APTX: variants seen among roughly 807,000 people sequenced by gnomAD.
APTX encodes forkhead-associated domain histidine triad-like protein.
APTX carries 33 observed loss-of-function variants against 42.3 expected under a neutral mutation model. That is an observed-to-expected ratio of 0.78 (90% CI 0.59 to 1.04). The LOEUF (loss-of-function observed/expected upper bound fraction) is 1.04, where lower values mean the gene tolerates loss of function less well. Among genes scored for constraint, APTX ranks in the 50% least tolerant of loss-of-function variants. The pLI is 0.00. For missense variants in APTX, 421 were observed against 415.1 expected (o/e 1.01, Z -0.12); for synonymous variants, 130 against 146.7 (o/e 0.89, Z 0.82).
At chr9:33,024,515 T>C (rs921173504) in intron 1 of APTX, among the ~76,000 whole-genome samples, 4 of 152,194 alleles carry the variant, frequency 2.6e-5, no homozygotes, top group Non-Finnish European at 4.4e-5. Flanking sequence ...TCAGACACTC[T>C]TGCGGCTACT....
At chr9:33,000,709 A>C (rs1024040370) in intron 1 of APTX, among the ~76,000 whole-genome samples, 1 of 151,680 alleles carries the variant, frequency 6.6e-6, no homozygotes, top group African/African-American at 2.4e-5. Context: ...AACGAGCACA[A>C]ATCTGTATTG....
intron 1 of APTX, among the ~76,000 whole-genome samples, chr9:33,008,551 A>ATTT (rs34273971): frequency 8.9e-5 from 12 of 135,078 alleles, no homozygotes; most frequent in African/African-American, 2.5e-4. Context: ...TCTGATTAAG[A>ATTT]TTTTTTTTTT....
At chr9:32,982,104 C>G (rs549827322) in intron 6 of APTX, among the ~76,000 whole-genome samples, 2 of 152,152 alleles carry the variant, frequency 1.3e-5, no homozygotes, top group South Asian at 2.1e-4. Context: ...TCATGCCCCC[C>G]CATATGACAT....
intron 1 of APTX, among the ~76,000 whole-genome samples, chr9:32,996,887 T>G (rs1293019697): frequency 6.6e-6 from 1 of 152,192 alleles, no homozygotes; most frequent in African/African-American, 2.4e-5. Context: ...GATCCCCCGG[T>G]TTTCAGCACC....
upstream of APTX, among the ~76,000 whole-genome samples, chr9:33,003,537 C>T (rs1402104208): frequency 8.6e-5 from 13 of 152,028 alleles, no homozygotes; most frequent in Admixed American, 5.2e-4. Flanking sequence ...GAGGCTGAAG[C>T]AGAAGAATTG....
chr9:32,989,970 C>T, intron 1 of APTX, 75 bp from the exon 2 acceptor site: 2 of 1,543,336 alleles, frequency 1.3e-6, no homozygotes, highest in Non-Finnish European at 1.8e-6. Flanking sequence ...CACCCGGTGC[C>T]ACCACGCATG....
In APTX at chr9:32,989,657, C is replaced by G. The variant is rs756344479; in HGVS notation, c.133+102G>C. On this transcript the variant is annotated intron_variant, in intron 2 of 7. Coordinates refer to ENST00000379817, the MANE Select transcript of APTX (RefSeq NM_001195248.2). ...CTCAGTTCCTGAGCTGTATTTTTGGCAGACAATAGATTTTCCATCAAGATC... is the reference window on the plus strand; with the variant it reads ...CTCAGTTCCTGAGCTGTATTTTTGGGAGACAATAGATTTTCCATCAAGATC... 1.2e-5 allele frequency: 19 copies of G among 1,571,862 alleles called. No individual in the cohort carries two copies. In the East Asian group the frequency reaches 3.8e-4, roughly 32 times the overall value.
In APTX at chr9:33,008,924, TTC is replaced by T. The variant is rs1296600531; in HGVS notation, c.-5+16097_-5+16098del. On this transcript the variant is annotated intron_variant, in intron 1 of 6. Transcript: ENST00000436040. ...TGTAATTGGGACACCAGTTGAGCAG[TTC>T]TGTTCTATACATTACAGTGTAAACA... Among the ~76,000 whole-genome samples the T allele has an allele frequency of 2.6e-5, 4 of 152,214 alleles. No individual in the cohort carries two copies. In the East Asian group the frequency reaches 7.7e-4, roughly 29 times the overall value.
intron 1 of APTX, among the ~76,000 whole-genome samples, chr9:33,010,714 C>T (rs1301444292): frequency 1.4e-5 from 2 of 144,892 alleles, no homozygotes; most frequent in Non-Finnish European, 3.0e-5. Context: ...AGTGAAACCT[C>T]GTTCCAAAAA....
At chr9:33,000,261 A>C (rs1835945836) in intron 1 of APTX, among the ~76,000 whole-genome samples, 1 of 152,172 alleles carries the variant, frequency 6.6e-6, no homozygotes, top group African/African-American at 2.4e-5. Flanking sequence ...AGCATTCAAC[A>C]CTATTATCAC....
chr9:32,987,971 C>G (rs1832596432), intron 3 of APTX, 112 bp downstream of exon 3: 1 of 1,498,432 alleles, frequency 6.7e-7, no homozygotes, highest in Non-Finnish European at 9.3e-7. Flanking sequence ...CTATATTACT[C>G]CATCACTTCC....
chr9:32,982,457 A>C (rs377533162), intron 6 of APTX, among the ~76,000 whole-genome samples: 17 of 152,360 alleles, frequency 1.1e-4, no homozygotes, highest in African/African-American at 4.1e-4. Flanking sequence ...AGTTAGTATT[A>C]TGAAAGGTCT....
intron 1 of APTX, among the ~76,000 whole-genome samples, chr9:32,991,533 C>T (rs1226088597): frequency 6.6e-6 from 1 of 152,050 alleles, no homozygotes; most frequent in Non-Finnish European, 1.5e-5. Flanking sequence ...CCTGTAATCC[C>T]AGCACTTTGG....
chr9:33,001,470 A>G (rs1563992431), intron 1 of APTX, 97 bp downstream of exon 1: 1 of 1,596,238 alleles, frequency 6.3e-7, no homozygotes, highest in Non-Finnish European at 8.5e-7. Flanking sequence ...AGCGTCATTC[A>G]AGGCACATCA....
intron 1 of APTX, among the ~76,000 whole-genome samples, chr9:33,011,323 T>C (rs1837527238): frequency 6.6e-6 from 1 of 151,722 alleles, no homozygotes; most frequent in South Asian, 2.1e-4. Context: ...AGTCTTGCTC[T>C]GTCACCCAGG....
At chr9:33,004,810 T>TC (rs1315384273), upstream of APTX, among the ~76,000 whole-genome samples, 1 of 150,894 alleles carries the variant, frequency 6.6e-6, no homozygotes, top group East Asian at 1.9e-4. Flanking sequence ...TTTTTGTATT[T>TC]TTTTTTTTTT....
At chr9:32,978,999 G>A (rs547174879) in intron 6 of APTX, among the ~76,000 whole-genome samples, 1 of 152,204 alleles carries the variant, frequency 6.6e-6, no homozygotes, top group African/African-American at 2.4e-5. Context: ...TACCAAGTTG[G>A]TTCTCCTTTT....
chr9:32,999,343 G>T (rs1835718321), intron 1 of APTX, among the ~76,000 whole-genome samples: 1 of 152,184 alleles, frequency 6.6e-6, no homozygotes, highest in South Asian at 2.1e-4. Context: ...AAACAGTTTG[G>T]ATATAAAGAG....
At chr9:32,991,511 C>A (rs564836694) in intron 1 of APTX, among the ~76,000 whole-genome samples, 1 of 152,012 alleles carries the variant, frequency 6.6e-6, no homozygotes, top group Non-Finnish European at 1.5e-5. Flanking sequence ...TGGCCAGGTG[C>A]GGTGTCTCAG....
Sources: gnomAD v4.1 joint callset for allele counts (sites outside exome capture counted in the v4.1 genomes callset) on GRCh38, gnomAD v4.1.1 for gene constraint, MANE v1.5 for transcripts, NCBI Gene and HGNC (gene_info 2026-07-23, HGNC 2026-07-21) for gene names.